EP400: variants seen among roughly 807,000 people sequenced by gnomAD.
The protein encoded by EP400 is E1A binding protein p400.
Under a neutral mutation model 354.1 loss-of-function variants are expected in EP400, and 105 were observed. The observed-to-expected ratio is 0.30, with a 90% CI of 0.25 to 0.35. The LOEUF is 0.35. Among genes scored for constraint, EP400 ranks in the 10% least tolerant of loss-of-function variants. The probability of loss-of-function intolerance (pLI) is 1.00; values close to 1 mark genes in which losing one functional copy is unlikely to be tolerated. For missense variants in EP400, 3,280 were observed against 4,121.0 expected (o/e 0.80, Z 5.59); for synonymous variants, 1,646 against 1,716.9 (o/e 0.96, Z 1.02).
Position 132,052,393 on chromosome 12 carries a change from C to G in EP400, c.7395-753C>G, listed in dbSNP as rs1487726511. 2.0e-5 allele frequency among the ~76,000 whole-genome samples: 3 copies of G among 152,254 alleles called. No homozygotes were observed. Among genetic ancestry groups the G allele is most frequent in the Non-Finnish European group, 4.4e-5 (3 of 68,040 alleles). On this transcript the variant is annotated intron_variant, in intron 41 of 52. Transcript: ENST00000389561. This position sits in a 1 kb window ranked among gnomAD's most constrained non-coding sequence, Gnocchi z 4.4. The stretch of plus-strand genomic sequence containing the variant: ...CCCAGGACTCCCTACTGCCCACGCT[C>G]TGAGTCGCCTGGCCCTGGCTTTCAG...
intron 51 of EP400, among the ~76,000 whole-genome samples, chr12:132,071,364 T>A (rs1209989830): frequency 6.6e-6 from 1 of 152,184 alleles, no homozygotes; most frequent in Non-Finnish European, 1.5e-5. Context: ...CTTTGACAGA[T>A]CCATGGAGAT....
intron 1 of EP400, among the ~76,000 whole-genome samples, chr12:131,950,793 GC>G: frequency 6.6e-6 from 1 of 152,244 alleles, no homozygotes; most frequent in East Asian, 1.9e-4. Context: ...TCGCTCTGTT[GC>G]CCAGGTTGGC....
chr12:131,987,083 G>A (rs36083974), intron 6 of EP400, among the ~76,000 whole-genome samples: 3 of 152,140 alleles, frequency 2.0e-5, no homozygotes, highest in Non-Finnish European at 2.9e-5. Flanking sequence ...GCAGTTAGGC[G>A]GAGAGGGACA....
Position 132,028,109 on chromosome 12 carries a change from C to T in EP400, c.5202C>T (p.Asp1734=), listed in dbSNP as rs967040719. The stretch of plus-strand genomic sequence containing the variant: ...CTCAAGCTCCAGTCTATGGCAGAGA[C>T]TTGCTAAGGATTTGTGCCCTGCCTA... ...RCSQAPVYGR[D]LLRICALPSH... Residue 1734 remains aspartate, a synonymous_variant, in exon 27 of 53, where the codon GAC becomes GAT. Coordinates refer to ENST00000389561, the MANE Select transcript of EP400 (RefSeq NM_015409.5). The T allele has an allele frequency of 1.9e-6, 3 of 1,614,200 alleles. No individual in the cohort carries two copies. The Admixed American group carries it at 5.0e-5, about 27-fold the overall frequency.
intron 2 of EP400, among the ~76,000 whole-genome samples, chr12:131,974,366 T>A (rs1267627646): frequency 6.6e-6 from 1 of 152,206 alleles, no homozygotes; most frequent in Non-Finnish European, 1.5e-5. Flanking sequence ...TCCTCCCGCC[T>A]CGGCCTCCCA....
chr12:132,015,297 T>C lies in EP400; in HGVS notation c.3923+1384T>C, dbSNP rs1276539478. Among the ~76,000 whole-genome samples the C allele has an allele frequency of 3.3e-5, 5 of 152,218 alleles. No individual in the cohort carries two copies. In the East Asian group the frequency reaches 9.6e-4, roughly 29 times the overall value. On this transcript the variant is annotated intron_variant, in intron 19 of 52. Transcript: ENST00000389561. Reference sequence around the variant, plus strand: ...ATTAGTGGCGAGACTCTCCAAGCATTGTAGAAACTTTGTATGTGTGGACAG... The same window carrying C: ...ATTAGTGGCGAGACTCTCCAAGCATCGTAGAAACTTTGTATGTGTGGACAG...
At chr12:132,055,942 G>A (rs554534997) in intron 45 of EP400, among the ~76,000 whole-genome samples, 3 of 151,916 alleles carry the variant, frequency 2.0e-5, no homozygotes, top group East Asian at 3.9e-4. Flanking sequence ...GAGGGGACAC[G>A]GCATCACACG....
chr12:132,017,844 C>T lies in EP400; in HGVS notation c.4110+123C>T. ...TTCTGCAATTGCAATTGCAGCTCCGCGATACATGGCACCGTCTAGCAGCAC... is the reference window on the plus strand; with the variant it reads ...TTCTGCAATTGCAATTGCAGCTCCGTGATACATGGCACCGTCTAGCAGCAC... On this transcript the variant is annotated intron_variant, in intron 20 of 52. Transcript: ENST00000389561. This position sits in a 1 kb window ranked among gnomAD's most constrained non-coding sequence, Gnocchi z 5.0. 5.5e-6 allele frequency: 6 copies of T among 1,089,392 alleles called. No homozygotes were observed. Among genetic ancestry groups the T allele is most frequent in the Non-Finnish European group, 6.4e-6 (5 of 779,478 alleles). 67.5% of individuals were successfully genotyped at this position (1,089,392 alleles called of 1,614,324 possible).
chr12:131,961,897 AGAAGAGGAG>A lies in EP400; in HGVS notation c.1281_1289del (p.Glu435_Glu437del). On this transcript the variant is annotated inframe_deletion, in exon 2 of 53. Transcript: ENST00000389561. ...TTAGGCAGAATGATTTGGACATTGA[AGAAGAGGAG>A]GAGGAGGAGGAAGAGGAGGAAGAAA... The A allele has an allele frequency of 1.9e-5, 30 of 1,614,000 alleles. No homozygotes were observed. The highest frequency in any genetic ancestry group is 2.5e-5 in the Non-Finnish European group (30 of 1,179,834).
At chr12:132,044,749 G>A (rs1895027257) in intron 36 of EP400, 34 bp downstream of exon 36, 3 of 1,614,004 alleles carry the variant, frequency 1.9e-6, no homozygotes, top group Non-Finnish European at 2.5e-6. Flanking sequence ...TGTCTGTGTG[G>A]GCAGCTTCCT....
intron 30 of EP400, among the ~76,000 whole-genome samples, chr12:132,032,774 G>A (rs1405764564): frequency 6.6e-6 from 1 of 152,052 alleles, no homozygotes; most frequent in African/African-American, 2.4e-5. Context: ...GGGACTACAG[G>A]CGTGCACCAC....
intron 47 of EP400, among the ~76,000 whole-genome samples, chr12:132,063,179 A>G (rs759102464): frequency 2.0e-5 from 3 of 152,210 alleles, no homozygotes; most frequent in African/African-American, 7.2e-5. Context: ...TAACCTCTGT[A>G]CCAGCTTTGC....
Position 131,996,392 on chromosome 12 carries a change from C to T in EP400, c.2827+1436C>T, listed in dbSNP as rs948865823. Among the ~76,000 whole-genome samples the T allele has an allele frequency of 8.7e-5, 13 of 149,672 alleles. No homozygotes were observed. The East Asian group carries it at 1.6e-3, about 18-fold the overall frequency. ...CTGCAAGCTCTGCCTCCTGGGTTTACGCCATTCTCCTGCCTCAGCCTCCTG... is the reference window on the plus strand; with the variant it reads ...CTGCAAGCTCTGCCTCCTGGGTTTATGCCATTCTCCTGCCTCAGCCTCCTG... On this transcript the variant is annotated intron_variant, in intron 12 of 52. Coordinates refer to ENST00000389561, the MANE Select transcript of EP400 (RefSeq NM_015409.5).
chr12:131,972,150 T>C (rs1353267934), intron 2 of EP400, among the ~76,000 whole-genome samples: 1 of 146,452 alleles, frequency 6.8e-6, no homozygotes, highest in East Asian at 1.9e-4. Flanking sequence ...CTTTTTCTTT[T>C]TCTTTTTCTT....
intron 1 of EP400, among the ~76,000 whole-genome samples, chr12:131,952,835 T>A (rs1891561198): frequency 6.6e-6 from 1 of 152,208 alleles, no homozygotes; most frequent in African/African-American, 2.4e-5. Flanking sequence ...TTTGGATTGT[T>A]TCCAGTTCTT....
chr12:131,971,393 T>C (rs1892284239), intron 2 of EP400, among the ~76,000 whole-genome samples: 1 of 152,222 alleles, frequency 6.6e-6, no homozygotes, highest in Admixed American at 6.5e-5. Flanking sequence ...TGCTGGGCAC[T>C]TAGGTTGTTT....
chr12:132,032,384 A>G (rs752630484), intron 30 of EP400, among the ~76,000 whole-genome samples: 16 of 152,208 alleles, frequency 1.1e-4, no homozygotes, highest in Non-Finnish European at 2.2e-4. Context: ...TATTTTATCT[A>G]TCTATTCCTT....
rs761196372 is a variant in EP400, at chr12:132,032,037, G to A, written c.5839G>A (p.Val1947Ile). 2 of 1,614,128 alleles carry A rather than the reference G, an allele frequency of 1.2e-6. No homozygotes were observed. The highest frequency in any genetic ancestry group is 1.7e-6 in the Non-Finnish European group (2 of 1,180,050). The change falls in exon 30 of 53, where the codon GTA (valine) becomes ATA (isoleucine). Residue 1947 changes from valine to isoleucine, a missense_variant. By Grantham distance (29) the Val-to-Ile change is conservative. Around this residue, in one of 20 missense-constraint regions of EP400, gnomAD observed 459 missense variants for 496.9 expected, o/e 0.92. Transcript: ENST00000389561. ...CAGCCGTACCACAGGTATAAACCTT[G>A]TAGAGGCGGACACCGTCGTGTTTTA... ...THSRTTGINLVEADTVVFYDN... is the reference protein window; with the variant it reads ...THSRTTGINLIEADTVVFYDN...
Position 132,038,199 on chromosome 12 carries a change from G to A in EP400, c.6207+103G>A. The A allele has an allele frequency of 6.9e-7, 1 of 1,457,138 alleles. No homozygotes were observed. Among genetic ancestry groups the A allele is most frequent in the Non-Finnish European group, 9.3e-7 (1 of 1,072,226 alleles). The allele number at this position is 1,457,138 out of a possible 1,614,324, so 90.3% of individuals were successfully genotyped here. On this transcript the variant is annotated intron_variant, in intron 32 of 52. Transcript: ENST00000389561. The surrounding 1 kb of genome is among the most constrained non-coding windows in gnomAD (Gnocchi z 4.2). ...GGGTGCTCAGTCCCCACTCTTCCCT[G>A]GCCTGAAGCCCTCTTCCCGTCCCTG...
Sources: allele counts gnomAD v4.1 joint callset (sites outside exome capture counted in the v4.1 genomes callset), GRCh38; gene constraint gnomAD v4.1.1; regional missense constraint gnomAD v4.1.1; non-coding constraint Gnocchi (gnomAD v3.1); transcripts MANE v1.5; gene names NCBI Gene and HGNC (gene_info 2026-07-23, HGNC 2026-07-21).